The following NRXN1 variants were observed in gnomAD, a reference collection of about 807,000 sequenced individuals.
NRXN1 encodes the protein neurexin-1.
Under a neutral mutation model 150.9 loss-of-function variants are expected in NRXN1, and 39 were observed. The ratio of observed to expected loss-of-function variants is 0.26; its 90% CI spans 0.20 to 0.34. NRXN1 has a LOEUF of 0.34. Among genes scored for constraint, NRXN1 ranks in the 10% least tolerant of loss-of-function variants. The pLI is 1.00. For synonymous variants in NRXN1, 924 were observed against 757.0 expected, an observed-to-expected ratio of 1.22 and a Z score of -3.62; for missense variants, 1,815 against 1,949.9, an observed-to-expected ratio of 0.93 and a Z score of 1.30.
intron 18 of NRXN1, among the ~76,000 whole-genome samples, chr2:50,199,550 A>G (rs1358084983): frequency 6.6e-6 from 1 of 150,900 alleles, no homozygotes; most frequent in Non-Finnish European, 1.5e-5. Context: ...ACACACACAC[A>G]CACACACACA....
chr2:50,468,841 G>C (rs1025669109), intron 16 of NRXN1, among the ~76,000 whole-genome samples: 4 of 151,338 alleles, frequency 2.6e-5, no homozygotes, highest in African/African-American at 9.7e-5. Context: ...GATAGTATAG[G>C]TAAACATATT....
intron 19 of NRXN1, among the ~76,000 whole-genome samples, chr2:50,077,198 A>C (rs774899435): frequency 2.0e-5 from 3 of 152,180 alleles, no homozygotes; most frequent in Non-Finnish European, 2.9e-5. Context: ...TACAGACTGC[A>C]TGTCTAACTT....
intron 18 of NRXN1, among the ~76,000 whole-genome samples, chr2:50,138,927 C>T (rs1042855597): frequency 6.6e-6 from 1 of 152,154 alleles, no homozygotes; most frequent in African/African-American, 2.4e-5. Context: ...GAAATGTAGG[C>T]CAAAGACGTC....
intron 5 of NRXN1, among the ~76,000 whole-genome samples, chr2:50,777,260 C>A (rs907070981): frequency 6.6e-6 from 1 of 152,016 alleles, no homozygotes; most frequent in African/African-American, 2.4e-5. Context: ...CCTTTAATTT[C>A]TTTTAGCAAA....
chr2:49,998,667 C>T (rs532999673), intron 21 of NRXN1, among the ~76,000 whole-genome samples: 1 of 151,844 alleles, frequency 6.6e-6, no homozygotes, highest in Non-Finnish European at 1.5e-5. Flanking sequence ...CATAATTTAA[C>T]CTTTTTAAAA....
chr2:50,656,306 A>G (rs777542272), intron 5 of NRXN1: 13 of 741,890 alleles, frequency 1.8e-5, no homozygotes, highest in Non-Finnish European at 3.0e-5. Context: ...AAAGTTACGT[A>G]TCAATTTTAA....
chr2:51,004,574 C>T (rs540831618), intron 2 of NRXN1, among the ~76,000 whole-genome samples: 20 of 151,904 alleles, frequency 1.3e-4, no homozygotes, highest in Non-Finnish European at 2.8e-4. Context: ...ACCTGGGAGG[C>T]AGAGGATGCA....
chr2:50,470,257 T>A (rs2089331080), intron 16 of NRXN1, among the ~76,000 whole-genome samples: 2 of 151,826 alleles, frequency 1.3e-5, no homozygotes, highest in Non-Finnish European at 2.9e-5. Flanking sequence ...TATCACATTC[T>A]TGTGTTCATC....
intron 5 of NRXN1, among the ~76,000 whole-genome samples, chr2:50,886,162 A>G (rs1179219623): frequency 6.6e-6 from 1 of 151,382 alleles, no homozygotes; most frequent in Non-Finnish European, 1.5e-5. Context: ...ATGTGAAACC[A>G]AACACAAAGG....
At chr2:50,435,398 C>T (rs1444921710) in intron 17 of NRXN1, among the ~76,000 whole-genome samples, 2 of 152,022 alleles carry the variant, frequency 1.3e-5, no homozygotes, top group African/African-American at 2.4e-5. Flanking sequence ...ATTTGAATTC[C>T]CGAAGTACTT....
rs1669889007 is a variant in NRXN1, at chr2:50,566,509, C to T, written c.1321-13484G>A. Among the ~76,000 whole-genome samples, 4 of 151,632 alleles carry T rather than the reference C, an allele frequency of 2.6e-5. No homozygotes were observed. The South Asian group carries it at 8.4e-4, about 32-fold the overall frequency. On this transcript the variant is annotated intron_variant, in intron 8 of 22. Transcript: ENST00000401669. ...ACCTCTGGTGATCCGCCTGCCTCAG[C>T]CTCCCAAAGTGTTGGGATTACAGGC...
intron 21 of NRXN1, among the ~76,000 whole-genome samples, chr2:50,049,260 T>G (rs1344158480): frequency 6.6e-6 from 1 of 152,184 alleles, no homozygotes. Context: ...GGCCACATGA[T>G]GGAAGACAGA....
At chr2:50,516,518 G>A (rs764652262) in intron 12 of NRXN1, among the ~76,000 whole-genome samples, 1 of 152,100 alleles carries the variant, frequency 6.6e-6, no homozygotes, top group Non-Finnish European at 1.5e-5. Context: ...TTAATGACAT[G>A]GTCTCTGGGG....
chr2:50,704,764 C>T lies in NRXN1; in HGVS notation c.833-81149G>A, dbSNP rs75974562. Among the ~76,000 whole-genome samples, 253 of 151,622 alleles carry T rather than the reference C, an allele frequency of 1.7e-3. 2 individuals are homozygous for T. The East Asian group carries it at 0.044, about 26-fold the overall frequency. On this transcript the variant is annotated intron_variant, in intron 5 of 22. Transcript: ENST00000401669. ...TAGAATTTTTCAAAACCTAACCTGG[C>T]ACAAATAAATACCAATGAAAGAAAT...
At chr2:50,118,621 T>C (rs1703406957) in intron 18 of NRXN1, among the ~76,000 whole-genome samples, 1 of 152,204 alleles carries the variant, frequency 6.6e-6, no homozygotes, top group South Asian at 2.1e-4. Flanking sequence ...TGTGGCTCTG[T>C]GTTTGATTTT....
In NRXN1 at chr2:51,030,667, G is replaced by C. The variant is rs1056784694; in HGVS notation, c.-922+1314C>G. Among the ~76,000 whole-genome samples, 5 of 152,024 alleles carry C rather than the reference G, an allele frequency of 3.3e-5. No homozygotes were observed. In the East Asian group the frequency reaches 9.6e-4, roughly 29 times the overall value. On this transcript the variant is annotated intron_variant, in intron 1 of 22. Coordinates refer to ENST00000401669, the MANE Select transcript of NRXN1 (RefSeq NM_001330078.2). ...ATGGCTGATACATTCCACACCATCA[G>C]CAATCACCAGTCATATCTTGTCTTC... is the stretch of plus-strand genomic sequence containing the variant.
intron 12 of NRXN1, chr2:50,506,827 C>T: frequency 3.8e-6 from 2 of 533,050 alleles, no homozygotes; most frequent in East Asian, 2.9e-5. Flanking sequence ...TCATAGCAAG[C>T]AAGGAAAATG....
rs142104120 is a variant in NRXN1, at chr2:49,952,645, CTCTT to C, written c.4129-8858_4129-8855del. ...AAAAAGAAAATGCAAATTATTGAAT[CTCTT>C]TCTGTCTTTTTATCTCTTTGACTTA... On this transcript the variant is annotated intron_variant, in intron 21 of 22. Transcript: ENST00000401669. 1.6e-3 allele frequency among the ~76,000 whole-genome samples: 238 copies of C among 152,142 alleles called. 2 individuals carry two copies. The East Asian group carries it at 0.019, about 12-fold the overall frequency.
chr2:50,475,922 C>T (rs187995341), intron 15 of NRXN1, among the ~76,000 whole-genome samples: 335 of 151,218 alleles, frequency 2.2e-3, no homozygotes, highest in African/African-American at 7.7e-3. Context: ...GCAGGTGAGT[C>T]CCTGTGCATG....
Sources: allele counts gnomAD v4.1 joint callset (sites outside exome capture counted in the v4.1 genomes callset), GRCh38; gene constraint gnomAD v4.1.1; transcripts MANE v1.5; gene names NCBI Gene and HGNC (gene_info 2026-07-23, HGNC 2026-07-21).